WSB1: variants seen among roughly 807,000 people sequenced by gnomAD.
The protein encoded by WSB1 is WD repeat and SOCS box containing 1.
A neutral mutation model predicts 50.2 loss-of-function variants in WSB1; 23 were observed. The ratio of observed to expected loss-of-function variants is 0.46; its 90% CI spans 0.33 to 0.65. The LOEUF (loss-of-function observed/expected upper bound fraction) is 0.65. Ranked by LOEUF, WSB1 falls within the 30% of genes least tolerant of loss-of-function variation. WSB1 has a pLI of 0.02. For missense variants in WSB1, 492 were observed against 522.3 expected (o/e 0.94, Z 0.56); for synonymous variants, 179 against 172.0 (o/e 1.04, Z -0.32).
At chr17:27,299,332 G>C (rs1244516052) in intron 1 of WSB1, among the ~76,000 whole-genome samples, 1 of 152,070 alleles carries the variant, frequency 6.6e-6, no homozygotes, top group African/African-American at 2.4e-5. Flanking sequence ...GGCAACAAAA[G>C]GAACACCTAC....
At chr17:27,311,643 T>TTC in intron 8 of WSB1, 27 bp downstream of exon 8, 1 of 1,450,048 alleles carries the variant, frequency 6.9e-7, no homozygotes, top group Non-Finnish European at 9.2e-7. Flanking sequence ...CTTTTTTTTT[T>TTC]TTTTTTTTTT....
intron 4 of WSB1, 144 bp downstream of exon 4, chr17:27,305,055 C>T: frequency 2.0e-6 from 2 of 989,056 alleles, no homozygotes; most frequent in East Asian, 2.5e-5. Context: ...AGGTTCCTTT[C>T]CTGAATAGAT....
At chr17:27,304,691 GAC>G (rs2017375227) in intron 3 of WSB1, 87 bp from the exon 4 acceptor site, 1 of 1,350,270 alleles carries the variant, frequency 7.4e-7, no homozygotes, top group African/African-American at 1.5e-5. Flanking sequence ...CAGCCTGAGT[GAC>G]AGAGTGAGAC....
intron 5 of WSB1, 62 bp downstream of exon 5, chr17:27,306,944 ATTT>A: frequency 6.7e-7 from 1 of 1,502,544 alleles, no homozygotes; most frequent in Non-Finnish European, 9.2e-7. Context: ...GTGCATAATC[ATTT>A]TAAATCTAAG....
Position 27,294,314 on chromosome 17 carries a change from C to A in WSB1, c.-82C>A. On this transcript the variant is annotated 5_prime_UTR_variant, in exon 1 of 9. Coordinates refer to ENST00000262394, the MANE Select transcript of WSB1 (RefSeq NM_015626.10). Reference sequence around the variant, plus strand: ...CTGGGCCCGGGAGGGACCAACTTGGCGTCACGCCCCTCAGCGGTCGCCACT... The same window carrying A: ...CTGGGCCCGGGAGGGACCAACTTGGAGTCACGCCCCTCAGCGGTCGCCACT... 6.4e-7 allele frequency: 1 copy of A among 1,568,468 alleles called. No individual in the cohort carries two copies. Among genetic ancestry groups the A allele is most frequent in the Non-Finnish European group, 8.7e-7 (1 of 1,148,590 alleles).
intron 1 of WSB1, 26 bp from the exon 2 acceptor site, chr17:27,301,762 T>G: frequency 1.2e-6 from 2 of 1,609,094 alleles, no homozygotes; most frequent in South Asian, 2.2e-5. Context: ...ATATATGATA[T>G]CCAGTATTTT....
chr17:27,310,546 G>A (rs2017638450), intron 7 of WSB1, among the ~76,000 whole-genome samples: 1 of 152,190 alleles, frequency 6.6e-6, no homozygotes, highest in African/African-American at 2.4e-5. Flanking sequence ...TATCCACCAT[G>A]ATTGAGATTA....
At chr17:27,306,599 T>C (rs1249029220) in intron 4 of WSB1, among the ~76,000 whole-genome samples, 183 bp from the exon 5 acceptor site, 1 of 152,192 alleles carries the variant, frequency 6.6e-6, no homozygotes, top group Non-Finnish European at 1.5e-5. Flanking sequence ...CATAAACACA[T>C]GGACAGGATT....
At chr17:27,300,237 C>T (rs576062736) in intron 1 of WSB1, among the ~76,000 whole-genome samples, 1 of 151,850 alleles carries the variant, frequency 6.6e-6, no homozygotes, top group African/African-American at 2.4e-5. Flanking sequence ...ACAGCAATAA[C>T]ATAGAATATA....
Position 27,315,155 on chromosome 17 carries a change from A to C in WSB1, c.*2786A>C, listed in dbSNP as rs2017806974. ...ACAGTAATAACAGACTGAAGGACCA[A>C]AGGAAAATAGGGAAGACGTTGATTA... On this transcript the variant is annotated 3_prime_UTR_variant, in exon 9 of 9. Coordinates refer to ENST00000262394, the MANE Select transcript of WSB1 (RefSeq NM_015626.10). 6.6e-6 allele frequency: 1 copy of C among 152,222 alleles called. No homozygotes were observed. Among genetic ancestry groups the C allele is most frequent in the Non-Finnish European group, 1.5e-5 (1 of 68,036 alleles). 9.4% of individuals were successfully genotyped at this position (152,222 alleles called of 1,614,324 possible).
chr17:27,311,625 A>ATT lies in WSB1; in HGVS notation c.1106+13_1106+14dup. On this transcript the variant is annotated intron_variant, in intron 8 of 8. Transcript: ENST00000262394. The stretch of plus-strand genomic sequence containing the variant: ...AGTGTTTTAGCTGCTGGGTAAATAT[A>ATT]TTTTTCTCTTTTTTTTTTTTTTTTT... 1.4e-6 allele frequency: 1 copy of ATT among 734,046 alleles called. No individual in the cohort carries two copies. 45.5% of individuals were successfully genotyped at this position (734,046 alleles called of 1,614,324 possible).
chr17:27,297,189 T>C (rs1440052590), intron 1 of WSB1: 2 of 152,124 alleles, frequency 1.3e-5, no homozygotes. Context: ...CCTTTGAGAC[T>C]GAGTCTCGCT....
chr17:27,305,894 A>G (rs764857290), intron 4 of WSB1, among the ~76,000 whole-genome samples: 7 of 152,258 alleles, frequency 4.6e-5, no homozygotes, highest in Non-Finnish European at 8.8e-5. Context: ...TTTTAAGAAC[A>G]TAGTCTTAGT....
rs2017771461 is a variant in WSB1 at position 27,313,581 on chromosome 17, A to G, written c.*1212A>G. ...ATGTATGCATTATGTAAAATGCTCA[A>G]TTATATATTTTTGTTGAGTTTTTTA... On this transcript the variant is annotated 3_prime_UTR_variant, in exon 9 of 9. Coordinates refer to ENST00000262394, the MANE Select transcript of WSB1 (RefSeq NM_015626.10). The G allele has an allele frequency of 6.6e-6, 1 of 152,472 alleles. No individual in the cohort carries two copies. The highest frequency in any genetic ancestry group is 1.5e-5 in the Non-Finnish European group (1 of 68,028). 9.4% of individuals were successfully genotyped at this position (152,472 alleles called of 1,614,324 possible).
In WSB1 at chr17:27,300,688, T is replaced by G. The variant is rs190645707; in HGVS notation, c.41-1100T>G. ...GAATCACAAATATAATGCATTTTGG[T>G]TTTTTTTGTTTTTTTTTTTTTATGA... On this transcript the variant is annotated intron_variant, in intron 1 of 8. Coordinates refer to ENST00000262394, the MANE Select transcript of WSB1 (RefSeq NM_015626.10). 1.6e-3 allele frequency among the ~76,000 whole-genome samples: 227 copies of G among 144,028 alleles called. 1 individual carries two copies. The highest frequency in any genetic ancestry group is 1.6e-3 in the Non-Finnish European group (111 of 67,698). The allele number at this position is 144,028 out of a possible 152,430, so 94.5% of individuals were successfully genotyped here. A position where few individuals can be genotyped will look rare whatever the true frequency, so the allele number is the denominator to read the frequency against.
intron 5 of WSB1, chr17:27,308,263 A>C: frequency 2.0e-5 from 20 of 986,292 alleles, no homozygotes; most frequent in Non-Finnish European, 2.3e-5. Context: ...TTGTCTTAGG[A>C]TAAACCTCCA....
In WSB1 at chr17:27,294,202, T is replaced by G. The variant is rs2016845810; in HGVS notation, c.-194T>G. 1 of 607,614 alleles carries G rather than the reference T, an allele frequency of 1.6e-6. No individual in the cohort carries two copies. Among genetic ancestry groups the G allele is most frequent in the East Asian group, 3.0e-5 (1 of 33,400 alleles). 37.6% of individuals were successfully genotyped at this position (607,614 alleles called of 1,614,324 possible). On this transcript the variant is annotated 5_prime_UTR_variant, in exon 1 of 9. Transcript: ENST00000262394. Reference sequence around the variant, plus strand: ...ACAGGGTCTATTGTCTGTGGTTGACTCCGTACTTTGGTCTGAGGCCTTCGG... The same window carrying G: ...ACAGGGTCTATTGTCTGTGGTTGACGCCGTACTTTGGTCTGAGGCCTTCGG...
chr17:27,303,742 A>G, intron 3 of WSB1, 107 bp downstream of exon 3: 3 of 1,374,084 alleles, frequency 2.2e-6, no homozygotes, highest in East Asian at 4.6e-5. Flanking sequence ...GAAAAGCAAG[A>G]ATTGATGGCA....
chr17:27,312,877 C>CA lies in WSB1; in HGVS notation c.*522dup, dbSNP rs780575361. 316 of 122,378 alleles carry CA rather than the reference C, an allele frequency of 2.6e-3. No homozygotes were observed. The highest frequency in any genetic ancestry group is 5.2e-3 in the African/African-American group (176 of 33,824). The allele number at this position is 122,378 out of a possible 1,614,324, so 7.6% of individuals were successfully genotyped here. On this transcript the variant is annotated 3_prime_UTR_variant, in exon 9 of 9. Coordinates refer to ENST00000262394, the MANE Select transcript of WSB1 (RefSeq NM_015626.10). ...TGAAACCCTGTCTCTACTAAAAATA[C>CA]AAAAAAAAAAAAAATTAGCCAGGCG...
Sources: gnomAD v4.1 joint callset for allele counts (sites outside exome capture counted in the v4.1 genomes callset) on GRCh38, gnomAD v4.1.1 for gene constraint, MANE v1.5 for transcripts, NCBI Gene and HGNC (gene_info 2026-07-23, HGNC 2026-07-21) for gene names.